Variants in WWOX observed in about 807,000 individuals in gnomAD.
WWOX encodes WW domain-containing oxidoreductase.
WWOX carries 69 observed loss-of-function variants against 46.2 expected under a neutral mutation model. That is an observed-to-expected ratio of 1.49 (90% confidence interval 1.23 to 1.82). The LOEUF (loss-of-function observed/expected upper bound fraction) is 1.82. Among genes scored for constraint, WWOX ranks in the 40% most tolerant of loss-of-function variants. WWOX has a pLI of 0.00. For missense variants in WWOX, 919 were observed against 542.6 expected (o/e 1.69, Z -6.89); for synonymous variants, 359 against 202.6 (o/e 1.77, Z -6.56).
chr16:78,743,709 T>C (rs1408613593), intron 8 of WWOX, among the ~76,000 whole-genome samples: 1 of 152,144 alleles, frequency 6.6e-6, no homozygotes, highest in Non-Finnish European at 1.5e-5. Context: ...ATAGGAGCTG[T>C]AACTTTGTAA....
At chr16:79,003,197 G>C (rs945745657) in intron 8 of WWOX, among the ~76,000 whole-genome samples, 7 of 152,210 alleles carry the variant, frequency 4.6e-5, no homozygotes, top group African/African-American at 1.2e-4. Flanking sequence ...TAAGTGCTTA[G>C]TGAGAATCAG....
intron 8 of WWOX, among the ~76,000 whole-genome samples, chr16:78,801,238 G>A (rs562682998): frequency 6.6e-6 from 1 of 152,086 alleles, no homozygotes; most frequent in Admixed American, 6.5e-5. Context: ...TGGTGGGCAT[G>A]GTGGCTCATG....
intron 8 of WWOX, among the ~76,000 whole-genome samples, chr16:78,572,569 C>G (rs2044743115): frequency 7.3e-6 from 1 of 136,148 alleles, no homozygotes; most frequent in South Asian, 2.4e-4. Context: ...TACCACTGCA[C>G]TCCAGCCTGG....
chr16:78,890,356 A>T (rs759876576), intron 8 of WWOX: 3 of 152,108 alleles, frequency 2.0e-5, no homozygotes, highest in Non-Finnish European at 2.9e-5. Context: ...CTTAAATTTG[A>T]CCTCCATCAT....
chr16:78,984,383 A>G (rs1465774134), intron 8 of WWOX, among the ~76,000 whole-genome samples: 1 of 152,194 alleles, frequency 6.6e-6, no homozygotes. Flanking sequence ...CGTAAAATTA[A>G]TATTTTATAC....
rs1005165381 is a variant in WWOX at position 78,511,297 on chromosome 16, G to A, written c.1056+78545G>A. ...TTCCCTTCCGTCAAGCCTTTTAGCG[G>A]AGTTCACAGGGATGCCTTCGGTCCA... On this transcript the variant is annotated intron_variant, in intron 8 of 8. Coordinates refer to ENST00000566780, the MANE Select transcript of WWOX (RefSeq NM_016373.4). Among the ~76,000 whole-genome samples, 6 of 152,332 alleles carry A rather than the reference G, an allele frequency of 3.9e-5. No homozygotes were observed. The East Asian group carries it at 9.6e-4, about 24-fold the overall frequency.
rs750797952 is a variant in WWOX, at chr16:78,432,662, T to A, written c.966T>A (p.His322Gln). 7 of 1,614,046 alleles carry A rather than the reference T, an allele frequency of 4.3e-6. No individual in the cohort carries two copies. The highest frequency in any genetic ancestry group is 1.3e-5 in the African/African-American group (1 of 74,916). ...GCGGGGTCACGTCGAACGCAGTGCA[T>A]CCTGGAAATATGATGTACTCCAACA... is the stretch of plus-strand genomic sequence containing the variant. ...SPRGVTSNAV[H>Q]PGNMMYSNIH... The change falls in exon 8 of 9, where the codon CAT (histidine) becomes CAA (glutamine). Residue 322 changes from histidine (H) to glutamine (Q), a missense_variant. Coordinates refer to ENST00000566780, the MANE Select transcript of WWOX (RefSeq NM_016373.4).
chr16:78,835,543 T>C (rs928957078), intron 8 of WWOX, among the ~76,000 whole-genome samples: 3 of 152,332 alleles, frequency 2.0e-5, no homozygotes, highest in African/African-American at 7.2e-5. Context: ...CACTTAAGAA[T>C]GTTCACACAG....
At chr16:78,728,703 A>C (rs577537961) in intron 8 of WWOX, among the ~76,000 whole-genome samples, 1 of 152,204 alleles carries the variant, frequency 6.6e-6, no homozygotes, top group Non-Finnish European at 1.5e-5. Context: ...CATGATCTGT[A>C]TAGCCTTTTC....
At chr16:78,243,096 T>C (rs1169273445) in intron 5 of WWOX, among the ~76,000 whole-genome samples, 1 of 152,138 alleles carries the variant, frequency 6.6e-6, no homozygotes, top group Non-Finnish European at 1.5e-5. Context: ...ATTCTTCCAC[T>C]GTCATCCCAT....
chr16:78,373,430 T>G (rs754131391), intron 5 of WWOX, among the ~76,000 whole-genome samples: 3 of 152,204 alleles, frequency 2.0e-5, no homozygotes, highest in Non-Finnish European at 4.4e-5. Context: ...CCAATTCATA[T>G]GAGAAATAGC....
chr16:78,312,620 C>G (rs975456674), intron 5 of WWOX, among the ~76,000 whole-genome samples: 3 of 152,158 alleles, frequency 2.0e-5, no homozygotes, highest in Non-Finnish European at 4.4e-5. Context: ...GGTGATCCAC[C>G]TACCTTGGCC....
chr16:78,710,717 T>C (rs2048427309), intron 8 of WWOX, among the ~76,000 whole-genome samples: 1 of 151,212 alleles, frequency 6.6e-6, no homozygotes, highest in South Asian at 2.1e-4. Context: ...TGGGCTCAAC[T>C]GATTCTCTCA....
intron 5 of WWOX, among the ~76,000 whole-genome samples, chr16:78,215,273 T>TGTAC (rs1487739737): frequency 6.6e-6 from 1 of 152,184 alleles, no homozygotes; most frequent in Non-Finnish European, 1.5e-5. Context: ...TCATGATGAT[T>TGTAC]GGTATGGTTT....
chr16:78,325,026 C>T (rs1329262493), intron 5 of WWOX, among the ~76,000 whole-genome samples: 1 of 152,178 alleles, frequency 6.6e-6, no homozygotes, highest in Non-Finnish European at 1.5e-5. Flanking sequence ...GGCACAAAAA[C>T]CCATTCCTCA....
chr16:78,931,537 G>T (rs2045624328), intron 8 of WWOX, among the ~76,000 whole-genome samples: 1 of 152,194 alleles, frequency 6.6e-6, no homozygotes, highest in Non-Finnish European at 1.5e-5. Flanking sequence ...GAAGGAGAAA[G>T]GTGAGGATAC....
At chr16:78,562,800 C>T (rs1486975295) in intron 8 of WWOX, among the ~76,000 whole-genome samples, 4 of 152,182 alleles carry the variant, frequency 2.6e-5, no homozygotes, top group Admixed American at 6.5e-5. Flanking sequence ...CTGAGCTCTT[C>T]AGTGTCATCA....
At chr16:78,400,049 T>G (rs2082375405) in intron 6 of WWOX, among the ~76,000 whole-genome samples, 1 of 152,208 alleles carries the variant, frequency 6.6e-6, no homozygotes, top group African/African-American at 2.4e-5. Flanking sequence ...TTGTCTTCAT[T>G]TTTGAAGAAT....
At chr16:78,765,699 C>G in intron 8 of WWOX, among the ~76,000 whole-genome samples, 1 of 152,088 alleles carries the variant, frequency 6.6e-6, no homozygotes, top group East Asian at 1.9e-4. Context: ...AGAGTTGGAT[C>G]ACAGCAAAGG....
Sources: gnomAD v4.1 joint callset for allele counts (sites outside exome capture counted in the v4.1 genomes callset) on GRCh38, gnomAD v4.1.1 for gene constraint, MANE v1.5 for transcripts, NCBI Gene and HGNC (gene_info 2026-07-23, HGNC 2026-07-21) for gene names.